CNOT4: variants seen among roughly 807,000 people sequenced by gnomAD.
The protein encoded by CNOT4 is CCR4-associated factor 4.
A neutral mutation model predicts 73.8 loss-of-function variants in CNOT4; 8 were observed. The ratio of observed to expected loss-of-function variants is 0.11; its 90% CI spans 0.06 to 0.20. The LOEUF (loss-of-function observed/expected upper bound fraction) is 0.20. CNOT4 is among the 10% of genes least tolerant of loss of function. CNOT4 has a pLI of 1.00. For synonymous variants in CNOT4, 293 were observed against 321.1 expected, an observed-to-expected ratio of 0.91 and a Z score of 0.94; for missense variants, 564 against 883.4, an observed-to-expected ratio of 0.64 and a Z score of 4.58.
In CNOT4 at chr7:135,446,924, T is replaced by C. The variant is rs1001330700; in HGVS notation, c.-92-8501A>G. Among the ~76,000 whole-genome samples the C allele has an allele frequency of 1.7e-4, 18 of 106,596 alleles. 2 individuals are homozygous for C. The highest frequency in any genetic ancestry group is 3.8e-4 in the African/African-American group (14 of 36,636). The allele number at this position is 106,596 out of a possible 152,430, so 69.9% of individuals were successfully genotyped here. A position where few individuals can be genotyped will look rare whatever the true frequency, so the allele number is the denominator to read the frequency against. On this transcript the variant is annotated intron_variant, in intron 1 of 11. Coordinates refer to ENST00000541284, the MANE Select transcript of CNOT4 (RefSeq NM_001190850.2). ...ATTATAAACTATATATTTTTATAAT[T>C]AGTCTGTTCCCACTAGAATGGAAAC... is the stretch of plus-strand genomic sequence containing the variant.
chr7:135,410,087 G>C (rs1480467539), intron 7 of CNOT4, among the ~76,000 whole-genome samples: 1 of 152,066 alleles, frequency 6.6e-6, no homozygotes, highest in Admixed American at 6.6e-5. Context: ...CCTGGAACTA[G>C]ATATCCTTGA....
rs1433971567 is a variant in CNOT4 at position 135,394,050 on chromosome 7, G to A, written c.1495C>T (p.Pro499Ser). 6.2e-7 allele frequency: 1 copy of A among 1,614,082 alleles called. No homozygotes were observed. The highest frequency in any genetic ancestry group is 1.3e-5 in the African/African-American group (1 of 74,934). ...CTATTGCGTGGAAAGGCCATCCAAG[G>A]ATAGCGGGCTGCCTGGCCTGGAAAA... ...FSFPGQAARY[P>S]WMAFPRNSIM... The change falls in exon 10 of 12, where the codon CCT (proline) becomes TCT (serine). Residue 499 changes from proline to serine, a missense_variant. Physicochemically the swap from Pro to Ser is moderately conservative, Grantham distance 74. This residue lies in a region of CNOT4 where 153 missense variants were observed against 158.7 expected (regional missense o/e 0.96). Coordinates refer to ENST00000541284, the MANE Select transcript of CNOT4 (RefSeq NM_001190850.2).
chr7:135,366,785 C>T (rs1471071234), intron 10 of CNOT4, among the ~76,000 whole-genome samples: 1 of 152,188 alleles, frequency 6.6e-6, no homozygotes, highest in African/African-American at 2.4e-5. Context: ...GTTTTTTCCA[C>T]TATTGCTATG....
rs1318676249 is a variant in CNOT4 at position 135,395,859 on chromosome 7, G to T, written c.904C>A (p.Pro302Thr). 6.2e-7 allele frequency: 1 copy of T among 1,608,198 alleles called. No individual in the cohort carries two copies. The highest frequency in any genetic ancestry group is 1.1e-5 in the South Asian group (1 of 90,962). The change falls in exon 9 of 12, where the codon CCA (proline) becomes ACA (threonine). Residue 302 changes from proline (P) to threonine (T), a missense_variant. Pro to Thr is a conservative substitution (Grantham distance 38, BLOSUM62 -1). Around this residue, in one of 10 missense-constraint regions of CNOT4, gnomAD observed 135 missense variants for 154.0 expected, o/e 0.88. Coordinates refer to ENST00000541284, the MANE Select transcript of CNOT4 (RefSeq NM_001190850.2). Reference protein sequence around the residue: ...QQISNSDTPSPPPGLSKSNPV... With the variant: ...QQISNSDTPSTPPGLSKSNPV... ...TTGGATTTTGACAAACCAGGTGGTGGTGAAGGCGTATCACTGTTAGATATC... is the reference window on the plus strand; with the variant it reads ...TTGGATTTTGACAAACCAGGTGGTGTTGAAGGCGTATCACTGTTAGATATC...
intron 1 of CNOT4, among the ~76,000 whole-genome samples, chr7:135,470,147 G>A (rs917267717): frequency 6.7e-6 from 1 of 150,056 alleles, no homozygotes; most frequent in Non-Finnish European, 1.5e-5. Flanking sequence ...GGGGGGGGAG[G>A]CCAGGGTCTC....
chr7:135,385,744 A>G (rs969763764), intron 10 of CNOT4, among the ~76,000 whole-genome samples: 1 of 152,244 alleles, frequency 6.6e-6, no homozygotes, highest in East Asian at 1.9e-4. Context: ...GATAAATAAT[A>G]AAATGAGTCT....
chr7:135,472,973 C>T (rs1231001814), intron 1 of CNOT4, among the ~76,000 whole-genome samples: 2 of 151,052 alleles, frequency 1.3e-5, no homozygotes, highest in East Asian at 2.0e-4. Flanking sequence ...TCCGGGAGGC[C>T]GAGGGTGCAG....
intron 10 of CNOT4, chr7:135,387,728 T>C (rs1796192525): frequency 4.1e-6 from 4 of 983,378 alleles, no homozygotes; most frequent in Non-Finnish European, 4.8e-6. Flanking sequence ...TCCTTTATTA[T>C]CAGTTTTAAA....
At chr7:135,435,879 T>C (rs1396967505) in intron 2 of CNOT4, among the ~76,000 whole-genome samples, 1 of 152,328 alleles carries the variant, frequency 6.6e-6, no homozygotes, top group African/African-American at 2.4e-5. Flanking sequence ...TTCAAACTTA[T>C]AATCACTGTT....
chr7:135,411,877 C>T (rs1344184240), intron 6 of CNOT4, among the ~76,000 whole-genome samples: 3 of 151,860 alleles, frequency 2.0e-5, no homozygotes, highest in Non-Finnish European at 4.4e-5. Flanking sequence ...TAAATATTTC[C>T]TATGGCACTA....
At chr7:135,453,179 A>T (rs1800284794) in intron 1 of CNOT4, among the ~76,000 whole-genome samples, 1 of 152,210 alleles carries the variant, frequency 6.6e-6, no homozygotes, top group African/African-American at 2.4e-5. Context: ...ATACTTCTGT[A>T]CATCAATTTA....
chr7:135,504,421 G>C (rs1178791515), intron 1 of CNOT4, among the ~76,000 whole-genome samples: 3 of 140,880 alleles, frequency 2.1e-5, no homozygotes, highest in South Asian at 4.4e-4. Context: ...TCAGCCTCCC[G>C]AGTAGCTGGA....
intron 1 of CNOT4, among the ~76,000 whole-genome samples, chr7:135,477,533 T>C (rs1032867258): frequency 1.3e-4 from 19 of 151,770 alleles, no homozygotes; most frequent in Admixed American, 1.2e-3. Flanking sequence ...TATCTTGTAG[T>C]ACCCTCTTTT....
chr7:135,502,816 CAAAAAAAAAAAA>C (rs56358299), intron 1 of CNOT4, among the ~76,000 whole-genome samples: 2 of 59,162 alleles, frequency 3.4e-5, no homozygotes, highest in Admixed American at 1.9e-4. Flanking sequence ...AACTCCATCT[CAAAAAAAAAAAA>C]AAAAAAGAAA....
intron 1 of CNOT4, among the ~76,000 whole-genome samples, chr7:135,498,044 G>T (rs558595908): frequency 2.0e-5 from 3 of 151,980 alleles, no homozygotes; most frequent in African/African-American, 4.8e-5. Context: ...AACAATCCTG[G>T]TATCTCCATT....
At chr7:135,507,442 T>C (rs1197819648) in intron 1 of CNOT4, among the ~76,000 whole-genome samples, 1 of 152,206 alleles carries the variant, frequency 6.6e-6, no homozygotes, top group Non-Finnish European at 1.5e-5. Flanking sequence ...CCCTATTTCC[T>C]ATCAAAATGT....
intron 7 of CNOT4, among the ~76,000 whole-genome samples, chr7:135,407,987 C>CA (rs1563031064): frequency 3.3e-5 from 5 of 152,060 alleles, no homozygotes; most frequent in African/African-American, 1.2e-4. Flanking sequence ...ACTCACAGTG[C>CA]ATAAAAAGTT....
chr7:135,459,465 G>T (rs1800742638), intron 1 of CNOT4, among the ~76,000 whole-genome samples: 1 of 152,178 alleles, frequency 6.6e-6, no homozygotes, highest in Non-Finnish European at 1.5e-5. Context: ...TCTCCCTGAA[G>T]AAATCTTTTG....
intron 1 of CNOT4, among the ~76,000 whole-genome samples, chr7:135,490,109 A>G (rs1803008746): frequency 6.6e-6 from 1 of 152,252 alleles, no homozygotes; most frequent in Non-Finnish European, 1.5e-5. Context: ...AAAGTACTCA[A>G]TAAAAATATC....
Sources: gnomAD v4.1 joint callset for allele counts (sites outside exome capture counted in the v4.1 genomes callset) on GRCh38, gnomAD v4.1.1 for gene constraint, gnomAD v4.1.1 regional missense constraint, MANE v1.5 for transcripts, NCBI Gene and HGNC (gene_info 2026-07-23, HGNC 2026-07-21) for gene names.